The following NETO1 variants were observed in gnomAD, a reference collection of about 807,000 sequenced individuals.
NETO1 encodes neuropilin and tolloid-like protein 1.
A neutral mutation model predicts 61.3 loss-of-function variants in NETO1; 26 were observed. The ratio of observed to expected loss-of-function variants is 0.42; its 90% CI spans 0.31 to 0.59. The LOEUF (loss-of-function observed/expected upper bound fraction) is 0.59, where lower values mean the gene tolerates loss of function less well. Among genes scored for constraint, NETO1 ranks in the 20% least tolerant of loss-of-function variants. NETO1 has a pLI of 0.12. For missense variants in NETO1, 531 were observed against 662.8 expected, an observed-to-expected ratio of 0.80 and a Z score of 2.18; for synonymous variants, 225 against 225.8, an observed-to-expected ratio of 1.00 and a Z score of 0.03.
At position 72,862,707 on chromosome 18, in the gene NETO1, G is replaced by A. The variant is rs924757233; in HGVS notation, c.220+2101C>T. On this transcript the variant is annotated intron_variant, in intron 3 of 10. Transcript: ENST00000327305. ...GCGATCTCGGCTCACTGCAAGCTCC[G>A]CCTCCCGGGTTCACGCCATTCTCCT... Among the ~76,000 whole-genome samples the A allele has an allele frequency of 2.7e-5, 4 of 146,502 alleles. No individual in the cohort carries two copies. In the East Asian group the frequency reaches 6.1e-4, roughly 22 times the overall value.
At position 72,810,788 on chromosome 18, in the gene NETO1, G is replaced by T. The variant is rs539788689; in HGVS notation, c.470-16384C>A. The stretch of plus-strand genomic sequence containing the variant: ...CATTAAGAGGTGAGAAAAATAATCC[G>T]AGGCTTTCCCAGAGTAATGGTCTGC... On this transcript the variant is annotated intron_variant, in intron 4 of 10. Coordinates refer to ENST00000327305, the MANE Select transcript of NETO1 (RefSeq NM_138966.5). 5.9e-5 allele frequency among the ~76,000 whole-genome samples: 9 copies of T among 152,206 alleles called. No homozygotes were observed. The East Asian group carries it at 9.7e-4, about 16-fold the overall frequency.
chr18:72,814,486 T>A (rs1326234422), intron 4 of NETO1, among the ~76,000 whole-genome samples: 1 of 151,182 alleles, frequency 6.6e-6, no homozygotes, highest in Non-Finnish European at 1.5e-5. Flanking sequence ...AAAAAAGAAA[T>A]AAAACAAAGG....
chr18:72,850,498 C>T (rs1292917165), intron 4 of NETO1, among the ~76,000 whole-genome samples: 2 of 152,114 alleles, frequency 1.3e-5, no homozygotes, highest in Non-Finnish European at 2.9e-5. Context: ...CTCAAATTGT[C>T]TGCAAATTGT....
chr18:72,786,643 C>T (rs1029645373), intron 6 of NETO1, among the ~76,000 whole-genome samples: 2 of 152,026 alleles, frequency 1.3e-5, no homozygotes, highest in African/African-American at 4.8e-5. Flanking sequence ...ATCTAAAACT[C>T]AGATATTACT....
chr18:72,778,259 C>T (rs532673541), intron 7 of NETO1, among the ~76,000 whole-genome samples: 1 of 152,266 alleles, frequency 6.6e-6, no homozygotes, highest in African/African-American at 2.4e-5. Context: ...GCAATAGGTC[C>T]TGATTTCCAC....
At chr18:72,821,371 C>T (rs1441344490) in intron 4 of NETO1, among the ~76,000 whole-genome samples, 17 of 150,492 alleles carry the variant, frequency 1.1e-4, no homozygotes. Flanking sequence ...GGAGAAACCC[C>T]ATCTCTACTA....
intron 4 of NETO1, among the ~76,000 whole-genome samples, chr18:72,801,730 T>C (rs1008872143): frequency 6.6e-6 from 1 of 152,206 alleles, no homozygotes; most frequent in Admixed American, 6.5e-5. Flanking sequence ...TGTAAATCTA[T>C]TTACTTATCT....
At chr18:72,838,542 C>T (rs2073827487) in intron 4 of NETO1, among the ~76,000 whole-genome samples, 1 of 152,166 alleles carries the variant, frequency 6.6e-6, no homozygotes, top group Non-Finnish European at 1.5e-5. Context: ...CTGCACACTT[C>T]TACTGTCATC....
intron 4 of NETO1, among the ~76,000 whole-genome samples, chr18:72,806,412 C>A (rs1014798523): frequency 2.0e-5 from 3 of 152,148 alleles, no homozygotes; most frequent in Non-Finnish European, 4.4e-5. Context: ...AACACTTTCT[C>A]TCTCTAAATC....
chr18:72,794,481 A>C (rs1452587307), intron 4 of NETO1, 77 bp from the exon 5 acceptor site: 1 of 1,399,998 alleles, frequency 7.1e-7, no homozygotes. Flanking sequence ...TTTATCATTA[A>C]GTTTTCCAGA....
At chr18:72,826,359 T>TACATAC (rs2073373261) in intron 4 of NETO1, among the ~76,000 whole-genome samples, 1 of 152,214 alleles carries the variant, frequency 6.6e-6, no homozygotes, top group Non-Finnish European at 1.5e-5. Context: ...TCAACCCTCC[T>TACATAC]ACATGTGTGT....
At chr18:72,774,339 G>A (rs752168659) in intron 7 of NETO1, among the ~76,000 whole-genome samples, 6 of 152,112 alleles carry the variant, frequency 3.9e-5, no homozygotes, top group Non-Finnish European at 7.4e-5. Context: ...CATATTCCAC[G>A]AAGGTCTCTG....
intron 7 of NETO1, among the ~76,000 whole-genome samples, chr18:72,772,274 C>T (rs1293271059): frequency 6.6e-6 from 1 of 152,094 alleles, no homozygotes; most frequent in Non-Finnish European, 1.5e-5. Context: ...TGGCTCAGAC[C>T]CACTAGGATA....
chr18:72,742,409 C>G, downstream of NETO1: 1 of 151,952 alleles, frequency 6.6e-6, no homozygotes, highest in African/African-American at 2.4e-5. Context: ...TGTTCCATGT[C>G]GATCATAAAA....
At chr18:72,774,901 C>A (rs770680712) in intron 7 of NETO1, among the ~76,000 whole-genome samples, 10 of 152,308 alleles carry the variant, frequency 6.6e-5, no homozygotes, top group Non-Finnish European at 1.5e-4. Context: ...ATTACTAAGC[C>A]TACCATCTAG....
chr18:72,802,187 C>G (rs1003575975), intron 4 of NETO1, among the ~76,000 whole-genome samples: 1 of 149,942 alleles, frequency 6.7e-6, no homozygotes, highest in African/African-American at 2.4e-5. Flanking sequence ...TATTTTTAAA[C>G]GTAGACATCA....
intron 4 of NETO1, chr18:72,835,381 G>T: frequency 7.0e-7 from 1 of 1,420,742 alleles, no homozygotes; most frequent in Non-Finnish European, 9.7e-7. Flanking sequence ...GGCATGAATT[G>T]TAGGAAGTCC....
Position 72,777,439 on chromosome 18 carries a change from C to A in NETO1, c.868+6239G>T, listed in dbSNP as rs1272860993. On this transcript the variant is annotated intron_variant, in intron 7 of 10. Transcript: ENST00000327305. Reference sequence around the variant, plus strand: ...CATCTGAAAAAAAAAAACAAAACAACAACAAAAAAAAAACAAAAAAGGCCG... The same window carrying A: ...CATCTGAAAAAAAAAAACAAAACAAAAACAAAAAAAAAACAAAAAAGGCCG... Among the ~76,000 whole-genome samples the A allele has an allele frequency of 2.0e-3, 155 of 76,444 alleles. 2 individuals carry two copies. Among genetic ancestry groups the A allele is most frequent in the African/African-American group, 0.01 (140 of 13,500 alleles). 50.2% of individuals were successfully genotyped at this position (76,444 alleles called of 152,430 possible).
chr18:72,838,078 T>G (rs1194744427), intron 4 of NETO1, among the ~76,000 whole-genome samples: 2 of 152,206 alleles, frequency 1.3e-5, no homozygotes, highest in African/African-American at 4.8e-5. Context: ...CACCATCCCC[T>G]ATGACAGGTA....
Sources: allele counts gnomAD v4.1 joint callset (sites outside exome capture counted in the v4.1 genomes callset), GRCh38; gene constraint gnomAD v4.1.1; transcripts MANE v1.5; gene names NCBI Gene and HGNC (gene_info 2026-07-23, HGNC 2026-07-21).